The following CLIP1 variants were observed in gnomAD, a reference collection of about 807,000 sequenced individuals.
CLIP1 encodes CAP-Gly domain-containing linker protein 1.
A neutral mutation model predicts 161.6 loss-of-function variants in CLIP1; 66 were observed. The observed-to-expected ratio is 0.41, with a 90% CI of 0.33 to 0.50. The LOEUF (loss-of-function observed/expected upper bound fraction) is 0.50, where lower values mean the gene tolerates loss of function less well. Among genes scored for constraint, CLIP1 ranks in the 20% least tolerant of loss-of-function variants. CLIP1 has a pLI of 0.27. For synonymous variants in CLIP1, 598 were observed against 626.2 expected (o/e 0.96, Z 0.67); for missense variants, 1,376 against 1,702.0 (o/e 0.81, Z 3.37).
rs751327155 is a variant in CLIP1 at position 122,420,306 on chromosome 12, T to C, written c.-107+2215A>G. On this transcript the variant is annotated intron_variant, in intron 1 of 25. Transcript: ENST00000620786. ...GTTGCAGTGAGCCGAGATCACTCCA[T>C]TGCACTCCAGCCTAGGCAACAAGAG... 3.3e-5 allele frequency among the ~76,000 whole-genome samples: 5 copies of C among 150,942 alleles called. No homozygotes were observed. In the South Asian group the frequency reaches 8.4e-4, roughly 25 times the overall value.
At chr12:122,322,711 GCT>G (rs961298592) in intron 17 of CLIP1, 35 of 152,732 alleles carry the variant, frequency 2.3e-4, no homozygotes, top group African/African-American at 7.2e-4. Flanking sequence ...AGGATGACTC[GCT>G]CTCCTTTGCT....
At chr12:122,409,238 G>T (rs369892493) in intron 1 of CLIP1, among the ~76,000 whole-genome samples, 2 of 151,566 alleles carry the variant, frequency 1.3e-5, no homozygotes, top group Admixed American at 6.6e-5. Flanking sequence ...CGATTCTTCC[G>T]CCTCAGCCTC....
chr12:122,357,659 G>A (rs996760449), intron 5 of CLIP1, among the ~76,000 whole-genome samples: 28 of 148,692 alleles, frequency 1.9e-4, no homozygotes, highest in Admixed American at 5.3e-4. Context: ...CCCTCTGCCC[G>A]GCCAGCCGCC....
At chr12:122,400,324 T>C (rs1285215743) in intron 1 of CLIP1, 2 of 151,714 alleles carry the variant, frequency 1.3e-5, no homozygotes, top group Non-Finnish European at 2.9e-5. Flanking sequence ...AACTATCCAA[T>C]GTCACGGAAA....
chr12:122,365,211 T>C, intron 3 of CLIP1: 1 of 466,036 alleles, frequency 2.1e-6, no homozygotes, highest in Non-Finnish European at 3.7e-6. Context: ...AATGTGCACA[T>C]GTACCCTAAA....
intron 17 of CLIP1, among the ~76,000 whole-genome samples, chr12:122,320,089 A>G (rs1258150314): frequency 6.6e-6 from 1 of 151,536 alleles, no homozygotes. Context: ...CCTGGCCAAC[A>G]TAGTGAAACC....
chr12:122,289,417 T>TA (rs11384628), intron 20 of CLIP1, among the ~76,000 whole-genome samples: 30,604 of 146,852 alleles, frequency 0.21, 3,935 homozygotes, highest in East Asian at 0.62. Context: ...AGACTCCATC[T>TA]AAAAAAAAAA....
chr12:122,323,094 G>A lies in CLIP1; in HGVS notation c.3250-3746C>T, dbSNP rs1399899641. On this transcript the variant is annotated intron_variant, in intron 17 of 25. Coordinates refer to ENST00000620786, the MANE Select transcript of CLIP1 (RefSeq NM_001247997.2). This position sits in a 1 kb window ranked among gnomAD's most constrained non-coding sequence, Gnocchi z 4.1. ...GACTCTTGATCACATTGCCTTTTGA[G>A]GTCTCCTATGGCTTTGATGGAATTC... is the stretch of plus-strand genomic sequence containing the variant. 6.6e-6 allele frequency: 1 copy of A among 152,260 alleles called. No homozygotes were observed. Among genetic ancestry groups the A allele is most frequent in the African/African-American group, 2.4e-5 (1 of 41,174 alleles). The allele number at this position is 152,260 out of a possible 1,614,324, so 9.4% of individuals were successfully genotyped here.
intron 20 of CLIP1, among the ~76,000 whole-genome samples, chr12:122,292,979 GGC>G (rs1950310622): frequency 7.6e-6 from 1 of 131,454 alleles, no homozygotes; most frequent in Non-Finnish European, 1.5e-5. Flanking sequence ...GTCCAGCCTG[GGC>G]AAAAGAGCAA....
intron 1 of CLIP1, among the ~76,000 whole-genome samples, chr12:122,415,556 C>A (rs1212710046): frequency 6.6e-6 from 1 of 151,470 alleles, no homozygotes; most frequent in Non-Finnish European, 1.5e-5. Context: ...CAGTGGCTCA[C>A]GCCTGTAATC....
chr12:122,349,691 G>A (rs1952926394), intron 9 of CLIP1, among the ~76,000 whole-genome samples: 1 of 152,328 alleles, frequency 6.6e-6, no homozygotes, highest in South Asian at 2.1e-4. Context: ...GGAAAGTCCT[G>A]GGACAGGGGA....
chr12:122,400,772 A>T (rs964359567), intron 1 of CLIP1: 2 of 152,118 alleles, frequency 1.3e-5, no homozygotes, highest in African/African-American at 4.8e-5. Flanking sequence ...AAAGTTCTCA[A>T]GTGAGTCAAC....
chr12:122,330,597 G>GTTTTTTTTTTTTTGTTTTTGTT (rs1555265518), intron 15 of CLIP1, among the ~76,000 whole-genome samples: 1 of 101,404 alleles, frequency 9.9e-6, no homozygotes, highest in African/African-American at 4.4e-5. Context: ...GTATAATGCA[G>GTTTTTTTTTTTTTGTTTTTGTT]TTTTTTTTTT....
Position 122,382,614 on chromosome 12 carries a change from G to A in CLIP1, c.-106-2056C>T, listed in dbSNP as rs1046678663. On this transcript the variant is annotated intron_variant, in intron 1 of 25. Coordinates refer to ENST00000620786, the MANE Select transcript of CLIP1 (RefSeq NM_001247997.2). ...GTAATCCCAGGTACTCAGGTGGCAG[G>A]AGAATTGGCTGAACCCAGGAGGCAG... is the stretch of plus-strand genomic sequence containing the variant. 1.8e-4 allele frequency among the ~76,000 whole-genome samples: 28 copies of A among 152,012 alleles called. 1 individual carries two copies. Among genetic ancestry groups the A allele is most frequent in the East Asian group, 1.9e-4 (1 of 5,174 alleles).
At chr12:122,292,261 C>G (rs1043372446) in intron 20 of CLIP1, among the ~76,000 whole-genome samples, 1 of 151,980 alleles carries the variant, frequency 6.6e-6, no homozygotes, top group African/African-American at 2.4e-5. Flanking sequence ...TCTTGGCCTC[C>G]CAAAGTACTG....
intron 5 of CLIP1, among the ~76,000 whole-genome samples, chr12:122,357,880 C>G (rs1301484694): frequency 3.3e-5 from 5 of 151,912 alleles, no homozygotes; most frequent in African/African-American, 1.2e-4. Context: ...TCTGCTCGGC[C>G]GCCCCTACTG....
At position 122,311,493 on chromosome 12, in the gene CLIP1, C is replaced by T. The variant is rs548282160; in HGVS notation, c.3474-1611G>A. On this transcript the variant is annotated intron_variant, in intron 19 of 25. Coordinates refer to ENST00000620786, the MANE Select transcript of CLIP1 (RefSeq NM_001247997.2). The surrounding 1 kb of genome is among the most constrained non-coding windows in gnomAD (Gnocchi z 4.3). ...AGGCTGGAGTGCAGTGGCACGAACT[C>T]GGCTCACTGCAAGCTCCACCTCCCA... Among the ~76,000 whole-genome samples, 86 of 151,828 alleles carry T rather than the reference C, an allele frequency of 5.7e-4. No individual in the cohort carries two copies. Among genetic ancestry groups the T allele is most frequent in the African/African-American group, 1.8e-3 (76 of 41,362 alleles).
At chr12:122,299,182 C>T (rs983428278) in intron 20 of CLIP1, among the ~76,000 whole-genome samples, 2 of 151,670 alleles carry the variant, frequency 1.3e-5, no homozygotes, top group Non-Finnish European at 2.9e-5. Flanking sequence ...ACACCCTTAA[C>T]TATGCAGAGG....
At chr12:122,382,922 A>T (rs923032014) in intron 1 of CLIP1, among the ~76,000 whole-genome samples, 1 of 152,058 alleles carries the variant, frequency 6.6e-6, no homozygotes, top group Non-Finnish European at 1.5e-5. Flanking sequence ...CGTAGTTCTG[A>T]TTCACAGTCA....
Sources: gnomAD v4.1 joint callset for allele counts (sites outside exome capture counted in the v4.1 genomes callset) on GRCh38, gnomAD v4.1.1 for gene constraint, Gnocchi (gnomAD v3.1) non-coding constraint, MANE v1.5 for transcripts, NCBI Gene and HGNC (gene_info 2026-07-23, HGNC 2026-07-21) for gene names.